PGD: variants seen among roughly 807,000 people sequenced by gnomAD.
The protein encoded by PGD is 6-phosphogluconate dehydrogenase, decarboxylating.
Under a neutral mutation model 60.4 loss-of-function variants are expected in PGD, and 21 were observed. That is an observed-to-expected ratio of 0.35 (90% CI 0.25 to 0.50). The LOEUF (loss-of-function observed/expected upper bound fraction) is 0.50, where lower values mean the gene tolerates loss of function less well. PGD is among the 20% of genes least tolerant of loss of function. The probability of loss-of-function intolerance (pLI) is 0.98; values close to 1 mark genes in which losing one functional copy is unlikely to be tolerated. For missense variants in PGD, 477 were observed against 613.1 expected, an observed-to-expected ratio of 0.78 and a Z score of 2.34; for synonymous variants, 230 against 235.9, an observed-to-expected ratio of 0.97 and a Z score of 0.23.
chr1:10,401,787 G>T (rs1379531802), intron 3 of PGD, among the ~76,000 whole-genome samples: 2 of 152,116 alleles, frequency 1.3e-5, no homozygotes, highest in Non-Finnish European at 2.9e-5. Flanking sequence ...AGGCAGAGGT[G>T]GGTGGATCAT....
chr1:10,417,673 T>C (rs1639620128), intron 10 of PGD, among the ~76,000 whole-genome samples, 164 bp downstream of exon 10: 1 of 152,208 alleles, frequency 6.6e-6, no homozygotes. Context: ...CCTTCTTCAC[T>C]GTACCTCAGT....
rs750145525 is a variant in PGD, at chr1:10,419,787, C to T, written c.*38C>T. Reference sequence around the variant, plus strand: ...TGTCACCCTCCACGATTCCACAGACCAGGACATTCCATGTGCCTCATGGCA... The same window carrying T: ...TGTCACCCTCCACGATTCCACAGACTAGGACATTCCATGTGCCTCATGGCA... On this transcript the variant is annotated 3_prime_UTR_variant, in exon 13 of 13. Coordinates refer to ENST00000270776, the MANE Select transcript of PGD (RefSeq NM_002631.4). 1.2e-6 allele frequency: 2 copies of T among 1,610,976 alleles called. No individual in the cohort carries two copies. Among genetic ancestry groups the T allele is most frequent in the East Asian group, 4.5e-5 (2 of 44,804 alleles).
At chr1:10,405,861 T>G (rs1639395628) in intron 5 of PGD, among the ~76,000 whole-genome samples, 1 of 152,038 alleles carries the variant, frequency 6.6e-6, no homozygotes, top group Admixed American at 6.6e-5. Flanking sequence ...ATGATTCTTT[T>G]TTTGAGACGG....
At chr1:10,418,962 C>A in intron 11 of PGD, 37 bp downstream of exon 11, 1 of 1,100,660 alleles carries the variant, frequency 9.1e-7, no homozygotes, top group Non-Finnish European at 1.4e-6. Flanking sequence ...GTTACTCTAC[C>A]TCCCTGGGGC....
rs1007192033 is a variant in PGD, at chr1:10,399,540, C to G, written c.9-89C>G. On this transcript the variant is annotated intron_variant, in intron 1 of 12. Transcript: ENST00000270776. ...GCGGAGGAAAGTGCAGACTCCCAGTCACGGCCAAATGTGGAAGGACCGGAC... is the reference window on the plus strand; with the variant it reads ...GCGGAGGAAAGTGCAGACTCCCAGTGACGGCCAAATGTGGAAGGACCGGAC... 6 of 1,216,192 alleles carry G rather than the reference C, an allele frequency of 4.9e-6. 1 individual carries two copies. In the Admixed American group the frequency reaches 1.0e-4, roughly 21 times the overall value. The allele number at this position is 1,216,192 out of a possible 1,614,324, so 75.3% of individuals were successfully genotyped here. A position where few individuals can be genotyped will look rare whatever the true frequency, so the allele number is the denominator to read the frequency against.
chr1:10,399,449 G>A (rs1476178172), intron 1 of PGD, 180 bp from the exon 2 acceptor site: 5 of 494,030 alleles, frequency 1.0e-5, no homozygotes, highest in South Asian at 8.3e-5. Context: ...GGGCGGGGCT[G>A]GGGGCCGCCT....
chr1:10,400,621 G>T, intron 3 of PGD, 49 bp downstream of exon 3: 11 of 1,454,004 alleles, frequency 7.6e-6, no homozygotes, highest in East Asian at 4.7e-5. Flanking sequence ...AGCTGTTTTT[G>T]GTTTCTTCCT....
intron 6 of PGD, among the ~76,000 whole-genome samples, chr1:10,408,689 A>G (rs1485653059): frequency 6.6e-6 from 1 of 152,054 alleles, no homozygotes; most frequent in Non-Finnish European, 1.5e-5. Context: ...GCTCACCGCA[A>G]CCTCCACCTC....
At position 10,413,208 on chromosome 1, in the gene PGD, C is replaced by T. The variant is rs369275295; in HGVS notation, c.801C>T (p.Thr267=). 2.2e-5 allele frequency: 36 copies of T among 1,614,178 alleles called. No individual in the cohort carries two copies. The East Asian group carries it at 4.7e-4, about 21-fold the overall frequency. ...GGCAGAAGGGCACAGGGAAGTGGAC[C>T]GCCATCTCCGCCCTGGAATACGGCG... is the stretch of plus-strand genomic sequence containing the variant. ...SAGQKGTGKW[T]AISALEYGVP... Residue 267 remains threonine, a synonymous_variant, in exon 8 of 13, where the codon ACC becomes ACT. Coordinates refer to ENST00000270776, the MANE Select transcript of PGD (RefSeq NM_002631.4).
chr1:10,408,984 C>T (rs1326025308), intron 6 of PGD, among the ~76,000 whole-genome samples: 1 of 152,164 alleles, frequency 6.6e-6, no homozygotes, highest in Non-Finnish European at 1.5e-5. Context: ...AAGCATTAGG[C>T]TCAGGAGACC....
intron 11 of PGD, among the ~76,000 whole-genome samples, 168 bp from the exon 12 acceptor site, chr1:10,419,249 C>T (rs972481956): frequency 7.3e-5 from 11 of 151,304 alleles, no homozygotes; most frequent in African/African-American, 2.7e-4. Flanking sequence ...GAACTCCTGA[C>T]CTCGTGATCC....
chr1:10,419,008 TTTGG>T, intron 11 of PGD, 83 bp downstream of exon 11: 1 of 859,296 alleles, frequency 1.2e-6, no homozygotes, highest in Non-Finnish European at 1.9e-6. Context: ...GTTTTTTTTT[TTTGG>T]TTTTTTGTTT....
At position 10,419,010 on chromosome 1, in the gene PGD, T is replaced by TG. The variant is rs1477767872; in HGVS notation, c.1209+87dup. 9.5e-6 allele frequency: 8 copies of TG among 843,808 alleles called. No individual in the cohort carries two copies. In the East Asian group the frequency reaches 1.5e-4, roughly 16 times the overall value. The allele number at this position is 843,808 out of a possible 1,614,324, so 52.3% of individuals were successfully genotyped here. On this transcript the variant is annotated intron_variant, in intron 11 of 12. Transcript: ENST00000270776. ...TGTTTGGTTTTTTGTTTTTTTTTTT[T>TG]GGTTTTTTGTTTTTTTGAGACAGAG...
In PGD at chr1:10,400,495, T is replaced by C. The variant is rs760462592; in HGVS notation, c.187T>C (p.Ser63Pro). ...VGAQSLKEMV[S>P]KLKKPRRIIL... Reference sequence around the variant, plus strand: ...TGCCCAGTCCCTGAAAGAGATGGTCTCCAAGCTGAAGAAGCCCCGGCGGAT... The same window carrying C: ...TGCCCAGTCCCTGAAAGAGATGGTCCCCAAGCTGAAGAAGCCCCGGCGGAT... Residue 63 changes from serine (S) to proline (P), a missense_variant, in exon 3 of 13, where the codon TCC (serine) becomes CCC (proline). Physicochemically the swap from Ser to Pro is moderately conservative, Grantham distance 74. Around this residue, in one of 3 missense-constraint regions of PGD, gnomAD observed 431 missense variants for 556.6 expected, o/e 0.77. Transcript: ENST00000270776. The C allele has an allele frequency of 1.9e-6, 3 of 1,614,016 alleles. No homozygotes were observed. In the East Asian group the frequency reaches 6.7e-5, roughly 36 times the overall value.
intron 6 of PGD, among the ~76,000 whole-genome samples, chr1:10,408,492 G>A (rs538746297): frequency 6.6e-6 from 1 of 152,332 alleles, no homozygotes; most frequent in Admixed American, 6.5e-5. Flanking sequence ...GCGTTTGCTT[G>A]CATGGGTGAA....
intron 5 of PGD, among the ~76,000 whole-genome samples, chr1:10,406,486 A>T (rs1187913003): frequency 2.6e-5 from 4 of 152,228 alleles, no homozygotes; most frequent in Non-Finnish European, 5.9e-5. Context: ...AGTATTTGAC[A>T]TATGGAGTGC....
At chr1:10,405,710 C>T (rs566482782) in intron 5 of PGD, among the ~76,000 whole-genome samples, 1 of 151,864 alleles carries the variant, frequency 6.6e-6, no homozygotes, top group African/African-American at 2.4e-5. Flanking sequence ...GTGGAGGGCA[C>T]CTCTAATCCC....
intron 8 of PGD, 31 bp downstream of exon 8, chr1:10,413,282 C>G (rs1269035091): frequency 1.9e-6 from 3 of 1,581,094 alleles, no homozygotes; most frequent in African/African-American, 1.3e-5. Flanking sequence ...TGGGCCCTTT[C>G]GTCCACTATT....
At position 10,419,490 on chromosome 1, in the gene PGD, C is replaced by T. The variant is rs562944056; in HGVS notation, c.1283C>T (p.Ser428Phe). Residue 428 changes from serine to phenylalanine, a missense_variant, in exon 12 of 13, where the codon TCC becomes TTC. Ser to Phe is a radical substitution (Grantham distance 155, BLOSUM62 -2). Transcript: ENST00000270776. The part of the protein sequence containing the change: ...IPMPCFTTAL[S>F]FYDGYRHEML... The stretch of plus-strand genomic sequence containing the variant: ...ATGCCCTGTTTTACCACTGCCCTCT[C>T]CTTCTATGACGGGTACAGACATGAG... The T allele has an allele frequency of 1.2e-6, 2 of 1,614,236 alleles. No individual in the cohort carries two copies. The highest frequency in any genetic ancestry group is 3.3e-5 in the Admixed American group (2 of 60,028).
Sources: allele counts gnomAD v4.1 joint callset (sites outside exome capture counted in the v4.1 genomes callset), GRCh38; gene constraint gnomAD v4.1.1; regional missense constraint gnomAD v4.1.1; transcripts MANE v1.5; gene names NCBI Gene and HGNC (gene_info 2026-07-23, HGNC 2026-07-21).